Variants in ANKRD6 observed in about 807,000 individuals in gnomAD.
ANKRD6 encodes the protein ankyrin repeat domain-containing protein 6.
A neutral mutation model predicts 82.3 loss-of-function variants in ANKRD6; 56 were observed. The ratio of observed to expected loss-of-function variants is 0.68; its 90% CI spans 0.55 to 0.85. The LOEUF is 0.85. ANKRD6 is among the 40% of genes least tolerant of loss of function. The pLI, the probability that ANKRD6 is intolerant of heterozygous loss-of-function variation, is 0.00. For missense variants in ANKRD6, 852 were observed against 907.6 expected (o/e 0.94, Z 0.79); for synonymous variants, 347 against 352.1 (o/e 0.99, Z 0.16).
At chr6:89,601,294 A>T (rs571223602) in intron 3 of ANKRD6, among the ~76,000 whole-genome samples, 1 of 152,200 alleles carries the variant, frequency 6.6e-6, no homozygotes, top group African/African-American at 2.4e-5. Context: ...AGGATGCTGA[A>T]GGGGGGAGGT....
chr6:89,627,932 T>C (rs1047053457), intron 14 of ANKRD6, among the ~76,000 whole-genome samples: 1 of 152,242 alleles, frequency 6.6e-6, no homozygotes, highest in Non-Finnish European at 1.5e-5. Flanking sequence ...CTGGGGAAGA[T>C]GCCATTTCTG....
In ANKRD6 at chr6:89,481,136, G is replaced by A. The variant is rs75578323; in HGVS notation, c.-144+47761G>A. ...AAAAAATACAGTGATGCTCAACTTC[G>A]TTAACAAAAAATGAAATACAAAGTA... On this transcript the variant is annotated intron_variant, in intron 1 of 15. Coordinates refer to ENST00000339746, the MANE Select transcript of ANKRD6 (RefSeq NM_001242809.2). Among the ~76,000 whole-genome samples the A allele has an allele frequency of 2.2e-4, 34 of 151,982 alleles. No individual in the cohort carries two copies. The East Asian group carries it at 5.0e-3, about 22-fold the overall frequency.
intron 1 of ANKRD6, among the ~76,000 whole-genome samples, chr6:89,492,861 C>T (rs1447442435): frequency 6.6e-6 from 1 of 152,152 alleles, no homozygotes; most frequent in African/African-American, 2.4e-5. Flanking sequence ...AATTTTATAT[C>T]TACCAGTTGA....
At chr6:89,477,698 G>T (rs923613937) in intron 1 of ANKRD6, among the ~76,000 whole-genome samples, 3 of 151,454 alleles carry the variant, frequency 2.0e-5, no homozygotes, top group Non-Finnish European at 4.4e-5. Context: ...ATGAACCCGG[G>T]GGGTGGAGCT....
intron 1 of ANKRD6, among the ~76,000 whole-genome samples, chr6:89,468,745 G>A (rs1275827977): frequency 2.0e-5 from 3 of 151,926 alleles, no homozygotes; most frequent in South Asian, 2.1e-4. Flanking sequence ...TCCCTGGCCC[G>A]TAATCTGTAT....
At chr6:89,527,319 G>T (rs568316230) in intron 1 of ANKRD6, among the ~76,000 whole-genome samples, 14 of 152,216 alleles carry the variant, frequency 9.2e-5, no homozygotes, top group African/African-American at 3.4e-4. Flanking sequence ...TTTTAGTCAG[G>T]TGCAGTGACT....
At chr6:89,621,735 C>T in intron 9 of ANKRD6, 187 bp from the exon 10 acceptor site, 1 of 614,962 alleles carries the variant, frequency 1.6e-6, no homozygotes, top group Admixed American at 2.8e-5. Flanking sequence ...CTCCGAGTCC[C>T]CGTGGTGCCC....
chr6:89,605,573 T>G (rs77270038), intron 4 of ANKRD6, among the ~76,000 whole-genome samples: 1,804 of 152,296 alleles, frequency 0.012, 44 homozygotes, highest in African/African-American at 0.041. Flanking sequence ...TTCCTTTGCC[T>G]GATCTTTGCA....
intron 1 of ANKRD6, among the ~76,000 whole-genome samples, chr6:89,464,175 A>G (rs1774545755): frequency 6.6e-6 from 1 of 152,144 alleles, no homozygotes. Context: ...TTGTTTTGTA[A>G]TAAGTTAATT....
At chr6:89,597,814 G>A (rs1796236503) in intron 3 of ANKRD6, among the ~76,000 whole-genome samples, 1 of 152,152 alleles carries the variant, frequency 6.6e-6, no homozygotes, top group Non-Finnish European at 1.5e-5. Context: ...GAAATAATTG[G>A]GAGTGGAGAA....
chr6:89,450,671 C>T (rs1772695642), intron 1 of ANKRD6, among the ~76,000 whole-genome samples: 1 of 151,686 alleles, frequency 6.6e-6, no homozygotes, highest in Non-Finnish European at 1.5e-5. Context: ...GTCTGCACCA[C>T]TGCAGACTTT....
At chr6:89,529,648 G>A (rs1782907582) in intron 1 of ANKRD6, among the ~76,000 whole-genome samples, 1 of 152,204 alleles carries the variant, frequency 6.6e-6, no homozygotes, top group African/African-American at 2.4e-5. Flanking sequence ...GCTTTGACAT[G>A]CCTTCATTAA....
chr6:89,577,058 C>T (rs904735800), intron 2 of ANKRD6, among the ~76,000 whole-genome samples: 2 of 152,016 alleles, frequency 1.3e-5, no homozygotes, highest in Non-Finnish European at 2.9e-5. Context: ...CCCAGCCTTC[C>T]TGGGCATCTT....
rs77732378 is a variant in ANKRD6, at chr6:89,583,854, G to A, written c.121-12062G>A. ...TGAAGGCAGGCCCTGTTTGCCCCCTGCTTCTCTCCTCAACTCTAGGTAGGC... is the reference window on the plus strand; with the variant it reads ...TGAAGGCAGGCCCTGTTTGCCCCCTACTTCTCTCCTCAACTCTAGGTAGGC... On this transcript the variant is annotated intron_variant, in intron 2 of 15. Transcript: ENST00000339746. Among the ~76,000 whole-genome samples, 930 of 152,286 alleles carry A rather than the reference G, an allele frequency of 6.1e-3. 21 individuals carry two copies. The East Asian group carries it at 0.093, about 15-fold the overall frequency.
At position 89,624,453 on chromosome 6, in the gene ANKRD6, A is replaced by G. The variant is rs1401025802; in HGVS notation, c.1219-86A>G. 4.8e-6 allele frequency: 7 copies of G among 1,467,518 alleles called. No homozygotes were observed. In the East Asian group the frequency reaches 9.9e-5, roughly 21 times the overall value. 90.9% of individuals were successfully genotyped at this position (1,467,518 alleles called of 1,614,324 possible). ...TCTTCCATCATCTCTATCCCCTGGT[A>G]TACTGCCTGGCACGTGGATGGTGCT... On this transcript the variant is annotated intron_variant, in intron 12 of 15. Coordinates refer to ENST00000339746, the MANE Select transcript of ANKRD6 (RefSeq NM_001242809.2).
At chr6:89,588,744 G>A (rs1007202353) in intron 2 of ANKRD6, among the ~76,000 whole-genome samples, 1 of 152,094 alleles carries the variant, frequency 6.6e-6, no homozygotes, top group Non-Finnish European at 1.5e-5. Flanking sequence ...GGTGGCTCAC[G>A]CCTCTAATTC....
intron 1 of ANKRD6, among the ~76,000 whole-genome samples, chr6:89,502,042 T>A (rs1236477108): frequency 6.6e-6 from 1 of 152,250 alleles, no homozygotes; most frequent in Non-Finnish European, 1.5e-5. Context: ...TCCCATATTC[T>A]TATTGTTAAC....
chr6:89,483,757 C>T (rs994326841), intron 1 of ANKRD6, among the ~76,000 whole-genome samples: 10 of 152,106 alleles, frequency 6.6e-5, no homozygotes, highest in African/African-American at 2.4e-4. Context: ...AGGAGAGAAA[C>T]AGAGAGATAT....
chr6:89,471,353 C>T (rs1017834329), intron 1 of ANKRD6, among the ~76,000 whole-genome samples: 1 of 43,374 alleles, frequency 2.3e-5, no homozygotes, highest in Non-Finnish European at 4.8e-5. Flanking sequence ...TCAAAAACAA[C>T]AACAACAAAA....
Sources: gnomAD v4.1 joint callset for allele counts (sites outside exome capture counted in the v4.1 genomes callset) on GRCh38, gnomAD v4.1.1 for gene constraint, MANE v1.5 for transcripts, NCBI Gene and HGNC (gene_info 2026-07-23, HGNC 2026-07-21) for gene names.